TAFA1: variants seen among roughly 807,000 people sequenced by gnomAD.
The protein encoded by TAFA1 is TAFA chemokine like family member 1.
Under a neutral mutation model 18.5 loss-of-function variants are expected in TAFA1, and 4 were observed. That is an observed-to-expected ratio of 0.22 (90% CI 0.11 to 0.49). TAFA1 has a LOEUF of 0.49. Among genes scored for constraint, TAFA1 ranks in the 20% least tolerant of loss-of-function variants. The pLI, the probability that TAFA1 is intolerant of heterozygous loss-of-function variation, is 0.98. For missense variants in TAFA1, 147 were observed against 169.0 expected, an observed-to-expected ratio of 0.87 and a Z score of 0.72; for synonymous variants, 56 against 55.2, an observed-to-expected ratio of 1.01 and a Z score of -0.06.
intron 2 of TAFA1, among the ~76,000 whole-genome samples, chr3:68,241,498 C>T (rs757603753): frequency 5.1e-4 from 77 of 152,102 alleles, no homozygotes; most frequent in Non-Finnish European, 6.3e-4. Context: ...AATGAATCAG[C>T]GCAAAGAGAA....
intron 2 of TAFA1, among the ~76,000 whole-genome samples, chr3:68,211,193 G>A (rs1369345138): frequency 2.0e-5 from 3 of 151,998 alleles, no homozygotes; most frequent in Admixed American, 6.6e-5. Context: ...ATGCAGGTTA[G>A]TTTCATTCAG....
intron 2 of TAFA1, among the ~76,000 whole-genome samples, chr3:68,310,777 T>G (rs373421526): frequency 6.6e-6 from 1 of 152,192 alleles, no homozygotes; most frequent in Non-Finnish European, 1.5e-5. Context: ...GAGAAGCCAA[T>G]GTTAATGCTA....
chr3:68,413,298 T>G (rs976171533), intron 2 of TAFA1, among the ~76,000 whole-genome samples: 1 of 152,194 alleles, frequency 6.6e-6, no homozygotes, highest in African/African-American at 2.4e-5. Context: ...ATAGGTAGAT[T>G]GTAAAATTTT....
intron 2 of TAFA1, among the ~76,000 whole-genome samples, chr3:68,192,114 C>T (rs930411566): frequency 4.6e-5 from 7 of 151,776 alleles, no homozygotes; most frequent in African/African-American, 1.4e-4. Flanking sequence ...GAGCACTATT[C>T]GCTCTAGTCC....
intron 2 of TAFA1, among the ~76,000 whole-genome samples, chr3:68,296,240 T>C (rs1164521081): frequency 1.4e-5 from 2 of 148,128 alleles, no homozygotes; most frequent in Admixed American, 6.7e-5. Context: ...GACATCCATA[T>C]TGTTGTTTTT....
At chr3:68,067,908 T>A (rs2106741000) in intron 2 of TAFA1, among the ~76,000 whole-genome samples, 1 of 152,164 alleles carries the variant, frequency 6.6e-6, no homozygotes, top group South Asian at 2.1e-4. Flanking sequence ...GAAAAATACT[T>A]ACTCTAATGA....
At chr3:68,314,237 G>A (rs1286933347) in intron 2 of TAFA1, among the ~76,000 whole-genome samples, 1 of 152,170 alleles carries the variant, frequency 6.6e-6, no homozygotes, top group Non-Finnish European at 1.5e-5. Context: ...ACCTGTGAAT[G>A]CATAGGTAAG....
At chr3:68,223,585 C>T (rs1156253181) in intron 2 of TAFA1, among the ~76,000 whole-genome samples, 3 of 151,558 alleles carry the variant, frequency 2.0e-5, no homozygotes, top group Non-Finnish European at 4.4e-5. Context: ...GTAAGCCTTC[C>T]CAGAATTTTA....
At chr3:68,409,785 G>A (rs1023359288) in intron 2 of TAFA1, among the ~76,000 whole-genome samples, 4 of 152,136 alleles carry the variant, frequency 2.6e-5, no homozygotes, top group Non-Finnish European at 5.9e-5. Flanking sequence ...GTAGCCCAGA[G>A]TGATCCAGTT....
Position 68,512,309 on chromosome 3 carries a change from G to A in TAFA1, c.260-26447G>A, listed in dbSNP as rs1355451559. On this transcript the variant is annotated intron_variant, in intron 3 of 4. Transcript: ENST00000478136. ...AAAATATTACTCTAAAAAATAGTAG[G>A]AATTCACTTAACAGTAGAAACTATT... 2.6e-5 allele frequency among the ~76,000 whole-genome samples: 4 copies of A among 151,992 alleles called. No homozygotes were observed. The East Asian group carries it at 7.7e-4, about 29-fold the overall frequency.
chr3:68,432,985 C>T (rs142518726), intron 3 of TAFA1, among the ~76,000 whole-genome samples: 2,190 of 152,070 alleles, frequency 0.014, 61 homozygotes, highest in African/African-American at 0.05. Flanking sequence ...ACCCAAATAG[C>T]TCCCAAGTCT....
At chr3:68,442,435 G>A (rs965967412) in intron 3 of TAFA1, among the ~76,000 whole-genome samples, 1 of 152,098 alleles carries the variant, frequency 6.6e-6, no homozygotes, top group Non-Finnish European at 1.5e-5. Flanking sequence ...TCATTCATAA[G>A]GGCAGAGCAC....
intron 2 of TAFA1, among the ~76,000 whole-genome samples, chr3:68,330,346 G>T (rs1223955021): frequency 6.6e-6 from 1 of 152,120 alleles, no homozygotes; most frequent in African/African-American, 2.4e-5. Context: ...GCTTATTACT[G>T]CAACTGGAGA....
chr3:68,328,070 G>A (rs9809509), intron 2 of TAFA1, among the ~76,000 whole-genome samples: 7,635 of 152,198 alleles, frequency 0.05, 226 homozygotes, highest in African/African-American at 0.086. Flanking sequence ...ACGTCGGCCT[G>A]TGAATCTGTT....
At chr3:68,291,506 G>C (rs2068107762) in intron 2 of TAFA1, among the ~76,000 whole-genome samples, 1 of 152,050 alleles carries the variant, frequency 6.6e-6, no homozygotes, top group South Asian at 2.1e-4. Flanking sequence ...GCTATTAAGT[G>C]GTGGAGGGAG....
chr3:68,112,825 AAAT>A (rs1424384774), intron 2 of TAFA1, among the ~76,000 whole-genome samples: 3 of 152,198 alleles, frequency 2.0e-5, no homozygotes, highest in Admixed American at 2.0e-4. Context: ...AATATTATCA[AAAT>A]AATCAAATAC....
At chr3:68,347,967 T>A (rs2069193841) in intron 2 of TAFA1, among the ~76,000 whole-genome samples, 1 of 152,174 alleles carries the variant, frequency 6.6e-6, no homozygotes, top group Non-Finnish European at 1.5e-5. Context: ...GTGGCATTAC[T>A]GAAAGGCAAC....
chr3:68,492,701 A>G (rs1243671956), intron 3 of TAFA1, among the ~76,000 whole-genome samples: 1 of 152,200 alleles, frequency 6.6e-6, no homozygotes, highest in Admixed American at 6.5e-5. Flanking sequence ...CAGAACATCA[A>G]GAATAAGCAA....
At chr3:68,174,783 G>A (rs1401305760) in intron 2 of TAFA1, among the ~76,000 whole-genome samples, 1 of 152,202 alleles carries the variant, frequency 6.6e-6, no homozygotes, top group African/African-American at 2.4e-5. Context: ...CAAGCCTGCT[G>A]CAGAAATTTG....
Sources: gnomAD v4.1 joint callset for allele counts (sites outside exome capture counted in the v4.1 genomes callset) on GRCh38, gnomAD v4.1.1 for gene constraint, MANE v1.5 for transcripts, NCBI Gene and HGNC (gene_info 2026-07-23, HGNC 2026-07-21) for gene names.